Variants in AOX1 observed in about 807,000 individuals in gnomAD.
AOX1 encodes aldehyde oxidase 1.
A neutral mutation model predicts 169.5 loss-of-function variants in AOX1; 153 were observed. That is an observed-to-expected ratio of 0.90 (90% CI 0.79 to 1.03). The LOEUF (loss-of-function observed/expected upper bound fraction) is 1.03, where lower values mean the gene tolerates loss of function less well. AOX1 is among the 50% of genes least tolerant of loss of function. The probability of loss-of-function intolerance (pLI) is 0.00; values close to 1 mark genes in which losing one functional copy is unlikely to be tolerated. For missense variants in AOX1, 1,656 were observed against 1,663.9 expected, an observed-to-expected ratio of 1.00 and a Z score of 0.08; for synonymous variants, 562 against 581.9, an observed-to-expected ratio of 0.97 and a Z score of 0.49.
At chr2:200,628,620 G>A (rs768638363) in intron 20 of AOX1, among the ~76,000 whole-genome samples, 3 of 152,136 alleles carry the variant, frequency 2.0e-5, no homozygotes, top group African/African-American at 4.8e-5. Flanking sequence ...TTGGCCTCTA[G>A]TGCATGTTAA....
Position 200,651,134 on chromosome 2 carries a change from A to G in AOX1, c.3008A>G (p.Lys1003Arg). The change falls in exon 26 of 35, where the codon AAG becomes AGG. Residue 1003 changes from lysine (K) to arginine (R), a missense_variant. Transcript: ENST00000374700. ...VEKFNAENYW[K>R]KKGLAMVPLK... ...AAGTTCAATGCAGAGAATTATTGGA[A>G]GAAGAAAGGACTGGCCATGGTCCCC... The G allele has an allele frequency of 6.2e-7, 1 of 1,614,214 alleles. No homozygotes were observed. The highest frequency in any genetic ancestry group is 8.5e-7 in the Non-Finnish European group (1 of 1,180,036).
rs1418798673 is a variant in AOX1, at chr2:200,620,699, T to C, written c.1754T>C (p.Met585Thr). The change falls in exon 17 of 35, where the codon ATG becomes ACG. Residue 585 changes from methionine to threonine, a missense_variant. Transcript: ENST00000374700. ...GAAGACCCAATTGGCCACCCCATCA[T>C]GCATCTGTCTGGTGTGAAGCATGCC... ...HPEDPIGHPI[M>T]HLSGVKHATG... 1.3e-6 allele frequency: 2 copies of C among 1,584,142 alleles called. No individual in the cohort carries two copies. Among genetic ancestry groups the C allele is most frequent in the East Asian group, 4.6e-5 (2 of 43,374 alleles).
chr2:200,676,052 AT>A (rs201022807), downstream of AOX1, among the ~76,000 whole-genome samples: 14,058 of 152,084 alleles, frequency 0.092, 894 homozygotes, highest in Non-Finnish European at 0.13. Flanking sequence ...GCATGGGAAA[AT>A]TCTGTACAGA....
intron 25 of AOX1, among the ~76,000 whole-genome samples, chr2:200,644,120 G>C (rs576163513): frequency 5.9e-5 from 9 of 152,058 alleles, no homozygotes; most frequent in Non-Finnish European, 1.2e-4. Flanking sequence ...TTGAGTTCTT[G>C]GTCATGAAAT....
chr2:200,653,367 G>A (rs2035619068), intron 26 of AOX1, among the ~76,000 whole-genome samples: 1 of 152,354 alleles, frequency 6.6e-6, no homozygotes. Context: ...AAACTAAATA[G>A]AGGAGGAAAC....
intron 16 of AOX1, among the ~76,000 whole-genome samples, chr2:200,619,842 A>G (rs2034845403): frequency 6.6e-6 from 1 of 152,184 alleles, no homozygotes; most frequent in Non-Finnish European, 1.5e-5. Flanking sequence ...TCAAAATTGA[A>G]AAAAAGAAGG....
intron 1 of AOX1, among the ~76,000 whole-genome samples, chr2:200,592,582 T>G (rs979942408): frequency 6.6e-6 from 1 of 152,246 alleles, no homozygotes; most frequent in Non-Finnish European, 1.5e-5. Context: ...TGCCTAAGTA[T>G]GTCCTTGCTG....
downstream of AOX1, among the ~76,000 whole-genome samples, chr2:200,680,305 A>G (rs1315950188): frequency 6.6e-6 from 1 of 152,198 alleles, no homozygotes; most frequent in Non-Finnish European, 1.5e-5. Context: ...ATATATGTTG[A>G]GCACCCCACA....
chr2:200,667,843 A>C (rs1235679244), intron 32 of AOX1, among the ~76,000 whole-genome samples: 1 of 152,086 alleles, frequency 6.6e-6, no homozygotes, highest in Non-Finnish European at 1.5e-5. Flanking sequence ...CAGAGTCCAG[A>C]GATGTGAGGC....
intron 1 of AOX1, among the ~76,000 whole-genome samples, chr2:200,589,881 T>C (rs1338435418): frequency 6.6e-6 from 1 of 152,186 alleles, no homozygotes; most frequent in Non-Finnish European, 1.5e-5. Flanking sequence ...TCTGGGCTTC[T>C]GGAATGGCTG....
intron 32 of AOX1, among the ~76,000 whole-genome samples, 194 bp downstream of exon 32, chr2:200,666,946 G>A (rs1051890402): frequency 1.3e-5 from 2 of 152,170 alleles, no homozygotes; most frequent in African/African-American, 2.4e-5. Context: ...GTTTTAGGTA[G>A]TTTTTGAAGA....
Position 200,671,027 on chromosome 2 carries a change from T to A in AOX1, c.*348T>A. On this transcript the variant is annotated 3_prime_UTR_variant, in exon 35 of 35. Transcript: ENST00000374700. Reference sequence around the variant, plus strand: ...ATCCACCAACAGAAATTATACCATATAGTGAAAGGCAATTTTCTAAATAAT... The same window carrying A: ...ATCCACCAACAGAAATTATACCATAAAGTGAAAGGCAATTTTCTAAATAAT... 4.4e-6 allele frequency: 1 copy of A among 225,216 alleles called. No individual in the cohort carries two copies. Among genetic ancestry groups the A allele is most frequent in the Non-Finnish European group, 8.7e-6 (1 of 115,070 alleles). The allele number at this position is 225,216 out of a possible 1,614,324, so 14.0% of individuals were successfully genotyped here.
At chr2:200,668,149 G>A (rs747530073) in intron 32 of AOX1, among the ~76,000 whole-genome samples, 9 of 149,198 alleles carry the variant, frequency 6.0e-5, no homozygotes, top group Non-Finnish European at 1.3e-4. Flanking sequence ...CTTGTTGCCC[G>A]GGCTGGAGTG....
At chr2:200,586,195 A>C in intron 1 of AOX1, 42 bp downstream of exon 1, 2 of 1,531,238 alleles carry the variant, frequency 1.3e-6, no homozygotes, top group Non-Finnish European at 1.8e-6. Flanking sequence ...ACCTGCGGCC[A>C]GGGCCGGGGC....
At chr2:200,602,981 AAC>A (rs548376676) in intron 6 of AOX1, among the ~76,000 whole-genome samples, 58 of 152,330 alleles carry the variant, frequency 3.8e-4, no homozygotes, top group African/African-American at 1.3e-3. Flanking sequence ...TAACAATATT[AAC>A]AGTTAATCAT....
rs548627716 is a variant in AOX1 at position 200,669,747 on chromosome 2, G to T, written c.3966+5G>T. The T allele has an allele frequency of 6.2e-7, 1 of 1,606,994 alleles. No individual in the cohort carries two copies. The highest frequency in any genetic ancestry group is 8.5e-7 in the Non-Finnish European group (1 of 1,177,664). ...GAAGACAAGTTCACAAAAATGGTACGTTTGCATGGTAGAAAAAAAATAGTG... is the reference window on the plus strand; with the variant it reads ...GAAGACAAGTTCACAAAAATGGTACTTTTGCATGGTAGAAAAAAAATAGTG... On this transcript the variant is annotated splice_donor_5th_base_variant and intron_variant, in intron 34 of 34. Coordinates refer to ENST00000374700, the MANE Select transcript of AOX1 (RefSeq NM_001159.4).
intron 26 of AOX1, among the ~76,000 whole-genome samples, chr2:200,654,206 C>CAAAAA (rs60045401): frequency 7.1e-5 from 6 of 84,764 alleles, no homozygotes; most frequent in African/African-American, 8.8e-5. Flanking sequence ...GACCCTGTCT[C>CAAAAA]AAAAAAAAAA....
intron 1 of AOX1, among the ~76,000 whole-genome samples, chr2:200,588,726 C>CTTTTTTTTTTCTTTTTTTTTTTT (rs2034096771): frequency 1.9e-5 from 1 of 53,986 alleles, no homozygotes; most frequent in African/African-American, 6.2e-5. Context: ...CTAGAATAAG[C>CTTTTTTTTTTCTTTTTTTTTTTT]TTTTTTTTTT....
chr2:200,603,564 C>G (rs2034456341), intron 7 of AOX1, among the ~76,000 whole-genome samples: 2 of 152,112 alleles, frequency 1.3e-5, no homozygotes, highest in Non-Finnish European at 2.9e-5. Flanking sequence ...CATTTAAATA[C>G]AGTTATCTAC....
Sources: allele counts gnomAD v4.1 joint callset (sites outside exome capture counted in the v4.1 genomes callset), GRCh38; gene constraint gnomAD v4.1.1; transcripts MANE v1.5; gene names NCBI Gene and HGNC (gene_info 2026-07-23, HGNC 2026-07-21).